TRABD2B: variants seen among roughly 807,000 people sequenced by gnomAD.
TRABD2B encodes TraB domain containing 2B, also known as metalloprotease TIKI2.
Under a neutral mutation model 40.1 loss-of-function variants are expected in TRABD2B, and 14 were observed. The observed-to-expected ratio is 0.35, with a 90% CI of 0.23 to 0.55. TRABD2B has a LOEUF of 0.55. Among genes scored for constraint, TRABD2B ranks in the 20% least tolerant of loss-of-function variants. The pLI is 0.90. For synonymous variants in TRABD2B, 263 were observed against 277.0 expected (o/e 0.95, Z 0.50); for missense variants, 541 against 648.6 (o/e 0.83, Z 1.80).
At chr1:47,964,360 A>C (rs767851807) in intron 2 of TRABD2B, among the ~76,000 whole-genome samples, 1 of 152,192 alleles carries the variant, frequency 6.6e-6, no homozygotes, top group Non-Finnish European at 1.5e-5. Flanking sequence ...GTCCACAAAG[A>C]TCACCAATAG....
intron 5 of TRABD2B, among the ~76,000 whole-genome samples, chr1:47,777,345 G>A (rs1249868268): frequency 1.3e-5 from 2 of 152,308 alleles, no homozygotes; most frequent in South Asian, 2.1e-4. Context: ...GGGCCCAAAC[G>A]GTTCAGGTAG....
At chr1:47,848,427 G>C (rs900120153) in intron 2 of TRABD2B, among the ~76,000 whole-genome samples, 3 of 152,146 alleles carry the variant, frequency 2.0e-5, no homozygotes, top group African/African-American at 7.2e-5. Flanking sequence ...TATCCTGAGT[G>C]GGCAGAACTA....
intron 2 of TRABD2B, among the ~76,000 whole-genome samples, chr1:47,973,422 G>A (rs1281088697): frequency 2.0e-5 from 3 of 152,318 alleles, no homozygotes; most frequent in Admixed American, 6.5e-5. Flanking sequence ...GATGTAACCC[G>A]AAGATGCCAC....
chr1:47,802,360 G>C (rs540801678), intron 2 of TRABD2B, among the ~76,000 whole-genome samples: 2 of 152,154 alleles, frequency 1.3e-5, no homozygotes, highest in Non-Finnish European at 2.9e-5. Context: ...TTTGAGGATC[G>C]TGGCTCTAAT....
At chr1:47,920,454 A>G (rs1206438316) in intron 2 of TRABD2B, among the ~76,000 whole-genome samples, 1 of 152,162 alleles carries the variant, frequency 6.6e-6, no homozygotes, top group Non-Finnish European at 1.5e-5. Context: ...GTATTTCCCC[A>G]TTCAAGGTGG....
At chr1:47,788,677 A>G (rs1644629126) in intron 4 of TRABD2B, among the ~76,000 whole-genome samples, 1 of 152,230 alleles carries the variant, frequency 6.6e-6, no homozygotes, top group African/African-American at 2.4e-5. Flanking sequence ...AGCATGCTGG[A>G]ATATTAGAGC....
In TRABD2B at chr1:47,994,006, G is replaced by A; in HGVS notation, c.666+28C>T. 2 of 1,520,268 alleles carry A rather than the reference G, an allele frequency of 1.3e-6. No individual in the cohort carries two copies. The highest frequency in any genetic ancestry group is 1.8e-6 in the Non-Finnish European group (2 of 1,136,654). The allele number at this position is 1,520,268 out of a possible 1,614,324, so 94.2% of individuals were successfully genotyped here. ...AGGACCCAGGTACCCAGGGCTGTCA[G>A]CTCCGGGCTGGGGCACTGCATGCCT... On this transcript the variant is annotated intron_variant, in intron 2 of 6. Transcript: ENST00000606738. This position sits in a 1 kb window ranked among gnomAD's most constrained non-coding sequence, Gnocchi z 6.7.
Position 47,945,908 on chromosome 1 carries a change from A to G in TRABD2B, c.666+48126T>C, listed in dbSNP as rs78985256. Reference sequence around the variant, plus strand: ...AGGTTTTGATTTCACTTGGTTAAATACCTGCAAGTGGGATTTCTGGATGTG... The same window carrying G: ...AGGTTTTGATTTCACTTGGTTAAATGCCTGCAAGTGGGATTTCTGGATGTG... On this transcript the variant is annotated intron_variant, in intron 2 of 6. Transcript: ENST00000606738. Among the ~76,000 whole-genome samples, 1,163 of 152,344 alleles carry G rather than the reference A, an allele frequency of 7.6e-3. 15 individuals are homozygous for G. The highest frequency in any genetic ancestry group is 0.027 in the African/African-American group (1,117 of 41,590).
chr1:47,857,106 C>T (rs1643900602), intron 2 of TRABD2B, among the ~76,000 whole-genome samples: 1 of 152,246 alleles, frequency 6.6e-6, no homozygotes, highest in Admixed American at 6.5e-5. Context: ...AAACTGTGGC[C>T]TCTGTTCACC....
At chr1:47,846,482 G>A (rs897809443) in intron 2 of TRABD2B, among the ~76,000 whole-genome samples, 1 of 152,208 alleles carries the variant, frequency 6.6e-6, no homozygotes, top group Non-Finnish European at 1.5e-5. Flanking sequence ...CATAGCTGGG[G>A]CTGTGCCTGT....
Position 47,976,801 on chromosome 1 carries a change from A to G in TRABD2B, c.666+17233T>C, listed in dbSNP as rs1479000966. Among the ~76,000 whole-genome samples the G allele has an allele frequency of 3.3e-5, 5 of 152,324 alleles. No individual in the cohort carries two copies. The South Asian group carries it at 1.0e-3, about 32-fold the overall frequency. The stretch of plus-strand genomic sequence containing the variant: ...CACAGAAGAATGAATGAGTGTATGA[A>G]CTGAGGGTGTTGGGAAGATTGATCC... On this transcript the variant is annotated intron_variant, in intron 2 of 6. Transcript: ENST00000606738.
chr1:47,791,429 C>CA (rs1420034904), intron 4 of TRABD2B, among the ~76,000 whole-genome samples: 12 of 152,334 alleles, frequency 7.9e-5, no homozygotes, highest in Admixed American at 2.6e-4. Context: ...GAGACATTTG[C>CA]ATGAGCAGAC....
intron 2 of TRABD2B, among the ~76,000 whole-genome samples, chr1:47,866,933 A>G (rs1644066953): frequency 6.6e-6 from 1 of 152,038 alleles, no homozygotes; most frequent in African/African-American, 2.4e-5. Flanking sequence ...AACCAGCTAG[A>G]CCTCCATTCT....
intron 2 of TRABD2B, among the ~76,000 whole-genome samples, chr1:47,949,117 T>C (rs1353652611): frequency 6.6e-6 from 1 of 152,334 alleles, no homozygotes. Context: ...GTAAAATTGC[T>C]AATACATAGT....
At chr1:47,992,475 G>A (rs753253106) in intron 2 of TRABD2B, among the ~76,000 whole-genome samples, 3 of 152,148 alleles carry the variant, frequency 2.0e-5, no homozygotes, top group Non-Finnish European at 4.4e-5. Flanking sequence ...AGCCTTTGTC[G>A]GATTCCTCTG....
chr1:47,946,547 T>C (rs1235516729), intron 2 of TRABD2B, among the ~76,000 whole-genome samples: 1 of 152,230 alleles, frequency 6.6e-6, no homozygotes, highest in African/African-American at 2.4e-5. Flanking sequence ...TTGATTGATT[T>C]TTGAACATTA....
chr1:47,902,880 T>TA (rs1381197841), intron 2 of TRABD2B, among the ~76,000 whole-genome samples: 2 of 152,178 alleles, frequency 1.3e-5, no homozygotes, highest in African/African-American at 4.8e-5. Flanking sequence ...TGTTTAATTT[T>TA]AATTAAATAG....
rs141612708 is a variant in TRABD2B, at chr1:47,781,137, G to A, written c.989-2593C>T. Among the ~76,000 whole-genome samples, 72 of 152,294 alleles carry A rather than the reference G, an allele frequency of 4.7e-4. 1 individual carries two copies. The East Asian group carries it at 0.011, about 22-fold the overall frequency. On this transcript the variant is annotated intron_variant, in intron 4 of 6. Coordinates refer to ENST00000606738, the MANE Select transcript of TRABD2B (RefSeq NM_001194986.2). ...CAGCACCATAAAGCTGGAAAGGGAC[G>A]GGAAGAGGCAGCCTCCAGCACGCAG...
intron 2 of TRABD2B, among the ~76,000 whole-genome samples, chr1:47,872,551 T>C (rs933414849): frequency 6.6e-6 from 1 of 151,970 alleles, no homozygotes; most frequent in Non-Finnish European, 1.5e-5. Context: ...CCCATGTGCA[T>C]GTGGGGAGGC....
Sources: gnomAD v4.1 joint callset for allele counts (sites outside exome capture counted in the v4.1 genomes callset) on GRCh38, gnomAD v4.1.1 for gene constraint, Gnocchi (gnomAD v3.1) non-coding constraint, MANE v1.5 for transcripts, NCBI Gene and HGNC (gene_info 2026-07-23, HGNC 2026-07-21) for gene names.